IK: variants seen among roughly 807,000 people sequenced by gnomAD.
IK encodes the protein IK cytokine.
In IK, 47 loss-of-function variants were observed where a neutral mutation model predicts 90.9. The observed-to-expected ratio is 0.52, with a 90% CI of 0.41 to 0.66. IK has a LOEUF of 0.66. Among genes scored for constraint, IK ranks in the 30% least tolerant of loss-of-function variants. The pLI, the probability that IK is intolerant of heterozygous loss-of-function variation, is 0.00. For missense variants in IK, 385 were observed against 709.3 expected (o/e 0.54, Z 5.19); for synonymous variants, 201 against 227.5 (o/e 0.88, Z 1.05).
At chr5:140,658,665 C>A in intron 10 of IK, 72 bp from the exon 11 acceptor site, 4 of 1,233,176 alleles carry the variant, frequency 3.2e-6, no homozygotes, top group Non-Finnish European at 3.5e-6. Flanking sequence ...GCATTAAGAG[C>A]TGGAGAGGAT....
chr5:140,660,605 A>C, intron 15 of IK, 153 bp from the exon 16 acceptor site: 1 of 607,190 alleles, frequency 1.6e-6, no homozygotes, highest in Non-Finnish European at 2.9e-6. Flanking sequence ...GCCCAAGGCT[A>C]CTTCTTACTT....
At chr5:140,649,300 C>G (rs1187638662) in intron 2 of IK, among the ~76,000 whole-genome samples, 2 of 151,392 alleles carry the variant, frequency 1.3e-5, no homozygotes, top group Non-Finnish European at 2.9e-5. Context: ...CCTCTGCCTC[C>G]TGAGTTCAAG....
chr5:140,648,265 C>T lies in IK; in HGVS notation c.17-206C>T, dbSNP rs563974245. On this transcript the variant is annotated intron_variant, in intron 1 of 19. Transcript: ENST00000417647. ...TTAGACGTGATCTTCCGGAAGTCTT[C>T]TCTGATCCTCCAGCGCAGGATTAGG... 1.6e-4 allele frequency: 115 copies of T among 707,738 alleles called. No individual in the cohort carries two copies. The East Asian group carries it at 3.0e-3, about 18-fold the overall frequency. 43.8% of individuals were successfully genotyped at this position (707,738 alleles called of 1,614,324 possible).
intron 9 of IK, among the ~76,000 whole-genome samples, chr5:140,656,332 A>G (rs913728045): frequency 4.6e-5 from 7 of 152,196 alleles, no homozygotes; most frequent in African/African-American, 1.7e-4. Flanking sequence ...AGCTGGGACT[A>G]CAGGCATTCA....
At chr5:140,653,886 A>G (rs1757660591) in intron 5 of IK, 52 bp from the exon 6 acceptor site, 2 of 1,139,840 alleles carry the variant, frequency 1.8e-6, no homozygotes, top group Non-Finnish European at 2.6e-6. Context: ...TACAGGCGTG[A>G]TCCACCACGC....
Position 140,647,913 on chromosome 5 carries a change from C to G in IK, c.5C>G (p.Pro2Arg), listed in dbSNP as rs1211272992. M[P>R]ERDSEPFSNP... ...CAGCGAAAGAACGATAACAAAATGCCGGAGCGAGATAGTAAGGCTCAGGCC... is the reference window on the plus strand; with the variant it reads ...CAGCGAAAGAACGATAACAAAATGCGGGAGCGAGATAGTAAGGCTCAGGCC... The change falls in exon 1 of 20, where the codon CCG becomes CGG. Residue 2 changes from proline (P) to arginine (R), a missense_variant. Transcript: ENST00000417647. 3.7e-6 allele frequency: 6 copies of G among 1,613,698 alleles called. No homozygotes were observed. The South Asian group carries it at 5.5e-5, about 15-fold the overall frequency.
Position 140,659,700 on chromosome 5 carries a change from G to A in IK, c.1196-56G>A, listed in dbSNP as rs1757769029. 2.6e-5 allele frequency: 28 copies of A among 1,095,012 alleles called. No homozygotes were observed. The South Asian group carries it at 3.1e-4, about 12-fold the overall frequency. The allele number at this position is 1,095,012 out of a possible 1,614,324, so 67.8% of individuals were successfully genotyped here. On this transcript the variant is annotated intron_variant, in intron 13 of 19. Transcript: ENST00000417647. ...AAATGTTTTTTAAGTGTGTTGTGGGGAGGAGGTTGTGAGAGCCTCAGTTCA... is the reference window on the plus strand; with the variant it reads ...AAATGTTTTTTAAGTGTGTTGTGGGAAGGAGGTTGTGAGAGCCTCAGTTCA...
intron 2 of IK, among the ~76,000 whole-genome samples, chr5:140,650,658 A>T (rs1962649): frequency 0.5 from 75,755 of 151,826 alleles, 19,732 homozygotes; most frequent in African/African-American, 0.65. Flanking sequence ...CTCACTGCAA[A>T]CTCCGCCTCC....
chr5:140,662,017 A>G lies in IK; in HGVS notation c.1611+10A>G. ...GAAGAAGATTAGTGCAGTAAGTAGG[A>G]TGGCCCCTTGGGTGGGAGGGTTTCA... On this transcript the variant is annotated intron_variant, in intron 18 of 19. Transcript: ENST00000417647. 6.3e-7 allele frequency: 1 copy of G among 1,595,694 alleles called. No homozygotes were observed. Among genetic ancestry groups the G allele is most frequent in the South Asian group, 1.1e-5 (1 of 88,910 alleles).
rs1757507012 is a variant in IK at position 140,647,936 on chromosome 5, G to A, written c.16+12G>A. The A allele has an allele frequency of 9.9e-6, 16 of 1,613,798 alleles. No individual in the cohort carries two copies. Among genetic ancestry groups the A allele is most frequent in the Non-Finnish European group, 1.4e-5 (16 of 1,179,792 alleles). On this transcript the variant is annotated intron_variant, in intron 1 of 19. Transcript: ENST00000417647. ...GCCGGAGCGAGATAGTAAGGCTCAGGCCATCCGTTATTTCTTCCCCATGGC... is the reference window on the plus strand; with the variant it reads ...GCCGGAGCGAGATAGTAAGGCTCAGACCATCCGTTATTTCTTCCCCATGGC...
Position 140,647,875 on chromosome 5 carries a change from C to A in IK, c.-34C>A. 6.2e-7 allele frequency: 1 copy of A among 1,613,590 alleles called. No homozygotes were observed. The highest frequency in any genetic ancestry group is 8.5e-7 in the Non-Finnish European group (1 of 1,179,574). ...CGCTGCGGTGTTGCTGTTGGAGACT[C>A]GATTGTTGGTGACAGCGAAAGAACG... is the stretch of plus-strand genomic sequence containing the variant. On this transcript the variant is annotated 5_prime_UTR_variant, in exon 1 of 20. Transcript: ENST00000417647.
chr5:140,651,608 T>C, intron 2 of IK, 106 bp from the exon 3 acceptor site: 1 of 660,386 alleles, frequency 1.5e-6, no homozygotes, highest in Non-Finnish European at 2.7e-6. Context: ...ATCTTTGTTT[T>C]AATTTGTATT....
At chr5:140,658,689 G>A in intron 10 of IK, 48 bp from the exon 11 acceptor site, 1 of 1,459,134 alleles carries the variant, frequency 6.9e-7, no homozygotes, top group Non-Finnish European at 9.5e-7. Context: ...GAAGTTCAGT[G>A]GAAATTAACT....
rs111847754 is a variant in IK at position 140,653,657 on chromosome 5, T to A, written c.405-281T>A. On this transcript the variant is annotated intron_variant, in intron 5 of 19. Transcript: ENST00000417647. ...CTTGCTCTTGTTGCCCAGGCTGGAGTGCAGTAGCGCGATCTCAGCTCACTG... is the reference window on the plus strand; with the variant it reads ...CTTGCTCTTGTTGCCCAGGCTGGAGAGCAGTAGCGCGATCTCAGCTCACTG... Among the ~76,000 whole-genome samples, 915 of 125,600 alleles carry A rather than the reference T, an allele frequency of 7.3e-3. 11 individuals carry two copies. Among genetic ancestry groups the A allele is most frequent in the Non-Finnish European group, 0.01 (665 of 63,772 alleles). 82.4% of individuals were successfully genotyped at this position (125,600 alleles called of 152,430 possible).
In IK at chr5:140,660,278, TC is replaced by T. The variant is rs138222109; in HGVS notation, c.1355+86del. ...TGAAATGGAAATTTGATTCGCTAAG[TC>T]CCAGGGCTACTTCTTTTTTTTTTTT... On this transcript the variant is annotated intron_variant, in intron 15 of 19. Transcript: ENST00000417647. 273 of 653,214 alleles carry T rather than the reference TC, an allele frequency of 4.2e-4. 1 individual carries two copies. The African/African-American group carries it at 5.1e-3, about 12-fold the overall frequency. The allele number at this position is 653,214 out of a possible 1,614,324, so 40.5% of individuals were successfully genotyped here.
chr5:140,652,621 C>T (rs974480593), intron 4 of IK, among the ~76,000 whole-genome samples: 4 of 152,044 alleles, frequency 2.6e-5, no homozygotes, highest in Admixed American at 6.5e-5. Flanking sequence ...GCAAATAATA[C>T]GTTCTTTTCA....
chr5:140,659,989 A>G, intron 14 of IK, 126 bp from the exon 15 acceptor site: 1 of 940,896 alleles, frequency 1.1e-6, no homozygotes, highest in Non-Finnish European at 1.7e-6. Flanking sequence ...TTCCCAGAGC[A>G]CCCATAACAG....
Position 140,653,161 on chromosome 5 carries a change from C to T in IK, c.404+17C>T, listed in dbSNP as rs771747141. The stretch of plus-strand genomic sequence containing the variant: ...TGCTGAGGCGTGAGTACTGAGGGAA[C>T]AGGGCATGGTTCCCTCAGCATCCGA... On this transcript the variant is annotated intron_variant, in intron 5 of 19. Coordinates refer to ENST00000417647, the MANE Select transcript of IK (RefSeq NM_006083.4). 1.7e-5 allele frequency: 27 copies of T among 1,608,128 alleles called. No homozygotes were observed. The highest frequency in any genetic ancestry group is 4.4e-5 in the South Asian group (4 of 90,672).
rs1365493673 is a variant in IK at position 140,654,798 on chromosome 5, G to C, written c.637+71G>C. On this transcript the variant is annotated intron_variant, in intron 8 of 19. Transcript: ENST00000417647. ...GTACGGAATTTAATGCTCTGGGAAGGATATGCTTCTCCTTTCCCCCAACCT... is the reference window on the plus strand; with the variant it reads ...GTACGGAATTTAATGCTCTGGGAAGCATATGCTTCTCCTTTCCCCCAACCT... The C allele has an allele frequency of 1.3e-5, 13 of 1,000,102 alleles. 1 individual carries two copies. In the Middle Eastern group the frequency reaches 1.5e-3, roughly 118 times the overall value. 62.0% of individuals were successfully genotyped at this position (1,000,102 alleles called of 1,614,324 possible).
Sources: gnomAD v4.1 joint callset for allele counts (sites outside exome capture counted in the v4.1 genomes callset) on GRCh38, gnomAD v4.1.1 for gene constraint, MANE v1.5 for transcripts, NCBI Gene and HGNC (gene_info 2026-07-23, HGNC 2026-07-21) for gene names.